Variants in TMEM131 observed in about 807,000 individuals in gnomAD.
TMEM131 encodes 2610524E03Rik.
Under a neutral mutation model 211.6 loss-of-function variants are expected in TMEM131, and 66 were observed. The observed-to-expected ratio is 0.31, with a 90% CI of 0.26 to 0.38. The LOEUF is 0.38. TMEM131 is among the 10% of genes least tolerant of loss of function. The pLI is 1.00. For missense variants in TMEM131, 2,036 were observed against 2,299.3 expected, an observed-to-expected ratio of 0.89 and a Z score of 2.34; for synonymous variants, 844 against 841.3, an observed-to-expected ratio of 1.00 and a Z score of -0.06.
At chr2:97,852,212 A>C (rs1257974669) in intron 5 of TMEM131, among the ~76,000 whole-genome samples, 1 of 135,132 alleles carries the variant, frequency 7.4e-6, no homozygotes, top group Non-Finnish European at 1.5e-5. Flanking sequence ...CCCAGGCTGG[A>C]GTGCAATGGC....
At chr2:97,938,195 A>G (rs1677537454) in intron 1 of TMEM131, among the ~76,000 whole-genome samples, 2 of 152,328 alleles carry the variant, frequency 1.3e-5, no homozygotes, top group South Asian at 2.1e-4. Context: ...CCTTAAATGT[A>G]AATGAGCTAA....
At chr2:97,811,262 T>C (rs1681536869) in intron 17 of TMEM131, 30 bp from the exon 18 acceptor site, 1 of 1,546,018 alleles carries the variant, frequency 6.5e-7, no homozygotes, top group Non-Finnish European at 8.9e-7. Flanking sequence ...TATCATTCAT[T>C]AGCCTTGTTA....
chr2:97,876,649 C>T (rs1173012126), intron 4 of TMEM131, among the ~76,000 whole-genome samples: 1 of 152,188 alleles, frequency 6.6e-6, no homozygotes, highest in African/African-American at 2.4e-5. Flanking sequence ...CAAAATTCAA[C>T]ACTCCTTCAT....
chr2:97,972,950 A>T (rs555965367), intron 1 of TMEM131, among the ~76,000 whole-genome samples: 39 of 152,192 alleles, frequency 2.6e-4, no homozygotes, highest in African/African-American at 3.4e-4. Flanking sequence ...AACACATATT[A>T]AAAAAAATCT....
chr2:97,830,132 TAAAAAAAA>T lies in TMEM131; in HGVS notation c.1074+3225_1074+3232del, dbSNP rs60531384. Among the ~76,000 whole-genome samples, 8 of 72,350 alleles carry T rather than the reference TAAAAAAAA, an allele frequency of 1.1e-4. 1 individual carries two copies. Among genetic ancestry groups the T allele is most frequent in the Non-Finnish European group, 7.8e-5 (3 of 38,646 alleles). The allele number at this position is 72,350 out of a possible 152,430, so 47.5% of individuals were successfully genotyped here. A position where few individuals can be genotyped will look rare whatever the true frequency, so the allele number is the denominator to read the frequency against. ...TCTGAATTCTTCACTCATTATCAGTTAAAAAAAAAAAAAAAAAAAAAAAACCAAACCCA... is the reference window on the plus strand; with the variant it reads ...TCTGAATTCTTCACTCATTATCAGTTAAAAAAAAAAAAAAAACCAAACCCA... On this transcript the variant is annotated intron_variant, in intron 11 of 40. Transcript: ENST00000186436.
At chr2:97,987,608 T>C (rs962594849) in intron 1 of TMEM131, among the ~76,000 whole-genome samples, 1 of 152,230 alleles carries the variant, frequency 6.6e-6, no homozygotes, top group African/African-American at 2.4e-5. Flanking sequence ...ATACCTTAAG[T>C]ACGCAGCATT....
In TMEM131 at chr2:97,818,476, G is replaced by A. The variant is rs1378059885; in HGVS notation, c.1183+137C>T. On this transcript the variant is annotated intron_variant, in intron 12 of 40. Transcript: ENST00000186436. ...GATGGTTTACAGCGGGGGGGGGCGG[G>A]GGGGGATCAACCTAAGCAGTAATAT... is the stretch of plus-strand genomic sequence containing the variant. 3.5e-5 allele frequency: 11 copies of A among 315,172 alleles called. 1 individual carries two copies. In the East Asian group the frequency reaches 4.0e-4, roughly 11 times the overall value. The allele number at this position is 315,172 out of a possible 1,614,324, so 19.5% of individuals were successfully genotyped here.
chr2:97,817,711 A>G (rs1458060964), intron 12 of TMEM131, among the ~76,000 whole-genome samples: 2 of 152,176 alleles, frequency 1.3e-5, no homozygotes, highest in Non-Finnish European at 2.9e-5. Flanking sequence ...CCCTCCCTAG[A>G]ACTCTCCACA....
intron 32 of TMEM131, among the ~76,000 whole-genome samples, chr2:97,774,022 C>T (rs774756995): frequency 6.6e-6 from 1 of 152,196 alleles, no homozygotes; most frequent in Non-Finnish European, 1.5e-5. Flanking sequence ...GAATTAGCAT[C>T]TACCCAAGAG....
intron 31 of TMEM131, among the ~76,000 whole-genome samples, chr2:97,785,013 A>G (rs1680182945): frequency 6.6e-6 from 1 of 152,238 alleles, no homozygotes; most frequent in African/African-American, 2.4e-5. Flanking sequence ...GTGGTAACTT[A>G]GATGAAATGA....
chr2:97,823,617 C>T (rs1682231828), intron 11 of TMEM131, among the ~76,000 whole-genome samples: 1 of 152,062 alleles, frequency 6.6e-6, no homozygotes, highest in Admixed American at 6.5e-5. Context: ...GTATGGATGC[C>T]CACTGGGATC....
chr2:97,821,923 C>A (rs907304762), intron 11 of TMEM131, among the ~76,000 whole-genome samples: 1 of 152,158 alleles, frequency 6.6e-6, no homozygotes, highest in Admixed American at 6.5e-5. Flanking sequence ...TGAGGGTCAA[C>A]AGAGAGGAAA....
intron 1 of TMEM131, among the ~76,000 whole-genome samples, chr2:97,992,393 A>G (rs1680306114): frequency 6.6e-6 from 1 of 152,240 alleles, no homozygotes; most frequent in East Asian, 1.9e-4. Context: ...TGTGCATGAA[A>G]CTATAGTACA....
rs1184702461 is a variant in TMEM131, at chr2:97,995,798, C to T, written c.-136G>A. The T allele has an allele frequency of 1.7e-5, 8 of 483,058 alleles. No homozygotes were observed. Among genetic ancestry groups the T allele is most frequent in the African/African-American group, 1.0e-4 (5 of 49,018 alleles). 29.9% of individuals were successfully genotyped at this position (483,058 alleles called of 1,614,324 possible). A position where few individuals can be genotyped will look rare whatever the true frequency, so the allele number is the denominator to read the frequency against. ...AACGGTTGCGAGCCCGGGGCTCGAT[C>T]TCCGAGCGTGGGCCTGGGTCCGTGC... On this transcript the variant is annotated 5_prime_UTR_variant, in exon 1 of 41. Transcript: ENST00000186436.
intron 1 of TMEM131, among the ~76,000 whole-genome samples, chr2:97,943,679 C>A (rs116705463): frequency 0.028 from 4,321 of 152,154 alleles, 196 homozygotes; most frequent in African/African-American, 0.098. Context: ...TCAAGAATAG[C>A]CAAAACAGTT....
intron 19 of TMEM131, among the ~76,000 whole-genome samples, chr2:97,808,800 T>G (rs1039965361): frequency 1.3e-5 from 2 of 152,096 alleles, no homozygotes; most frequent in Non-Finnish European, 2.9e-5. Context: ...GGATCACACA[T>G]GAAACAACCA....
intron 39 of TMEM131, 95 bp from the exon 40 acceptor site, chr2:97,759,148 T>G (rs1277700195): frequency 6.7e-7 from 1 of 1,496,888 alleles, no homozygotes; most frequent in Admixed American, 1.7e-5. Flanking sequence ...CTCCAACCAC[T>G]GCTCCTGGAG....
At chr2:97,796,108 AC>A (rs1181956318) in intron 28 of TMEM131, 109 bp downstream of exon 28, 2 of 608,622 alleles carry the variant, frequency 3.3e-6, no homozygotes, top group African/African-American at 2.0e-5. Flanking sequence ...TGAAAAAAAA[AC>A]AAATGAATGC....
chr2:97,958,253 T>C (rs905746885), intron 1 of TMEM131, among the ~76,000 whole-genome samples: 1 of 152,178 alleles, frequency 6.6e-6, no homozygotes. Context: ...ATTTTTCCCA[T>C]TTTCCAGTAA....
Sources: allele counts gnomAD v4.1 joint callset (sites outside exome capture counted in the v4.1 genomes callset), GRCh38; gene constraint gnomAD v4.1.1; transcripts MANE v1.5; gene names NCBI Gene and HGNC (gene_info 2026-07-23, HGNC 2026-07-21).